The following GRID1 variants were observed in gnomAD, a reference collection of about 807,000 sequenced individuals.
The protein encoded by GRID1 is glutamate ionotropic receptor delta type subunit 1, also known as glutamate receptor ionotropic, delta-1.
Under a neutral mutation model 98.0 loss-of-function variants are expected in GRID1, and 28 were observed. The observed-to-expected ratio is 0.29, with a 90% confidence interval of 0.21 to 0.39. The LOEUF is 0.39. Ranked by LOEUF, GRID1 falls within the 10% of genes least tolerant of loss-of-function variation. The pLI is 1.00. For synonymous variants in GRID1, 553 were observed against 538.5 expected (o/e 1.03, Z -0.37); for missense variants, 1,111 against 1,340.5 (o/e 0.83, Z 2.67).
At chr10:86,207,920 G>A (rs1018875197) in intron 2 of GRID1, among the ~76,000 whole-genome samples, 6 of 152,154 alleles carry the variant, frequency 3.9e-5, no homozygotes, top group African/African-American at 1.2e-4. Flanking sequence ...GTGAGCCACC[G>A]CGCCCGGCCG....
chr10:85,665,793 A>C (rs1353041552), intron 12 of GRID1, among the ~76,000 whole-genome samples: 1 of 152,194 alleles, frequency 6.6e-6, no homozygotes, highest in Non-Finnish European at 1.5e-5. Flanking sequence ...CACCCAGCAC[A>C]CGGGAGTGTA....
At chr10:86,227,269 C>A (rs1375384191) in intron 2 of GRID1, among the ~76,000 whole-genome samples, 2 of 152,182 alleles carry the variant, frequency 1.3e-5, no homozygotes, top group African/African-American at 4.8e-5. Context: ...TCAAAGGGGC[C>A]CTTCTGGGGT....
At chr10:85,662,359 G>T (rs1432664708) in intron 12 of GRID1, among the ~76,000 whole-genome samples, 2 of 152,170 alleles carry the variant, frequency 1.3e-5, no homozygotes, top group East Asian at 3.9e-4. Context: ...AGGACCAGAG[G>T]GTGCTTGGCT....
intron 8 of GRID1, among the ~76,000 whole-genome samples, chr10:85,853,419 A>G (rs1253228965): frequency 6.6e-6 from 1 of 152,218 alleles, no homozygotes; most frequent in Non-Finnish European, 1.5e-5. Context: ...TAGTAGAGAC[A>G]TCTTCCTTCG....
chr10:85,820,597 G>C (rs138143557), intron 8 of GRID1, among the ~76,000 whole-genome samples: 39 of 152,118 alleles, frequency 2.6e-4, no homozygotes, highest in Non-Finnish European at 4.6e-4. Flanking sequence ...TAATTATTGT[G>C]TGAGATGTTA....
At position 85,645,151 on chromosome 10, in the gene GRID1, TCTTTTTTTTTTCTAAGCAGTG is replaced by T. The variant is rs1175872614; in HGVS notation, c.2193+2030_2193+2050del. On this transcript the variant is annotated intron_variant, in intron 13 of 15. Coordinates refer to ENST00000327946, the MANE Select transcript of GRID1 (RefSeq NM_017551.3). ...ACTTTAACAAAGTCAAAAGTAGCTATCTTTTTTTTTTCTAAGCAGTGCTTTTTTTTTTAGCATTATGCAATG... is the reference window on the plus strand; with the variant it reads ...ACTTTAACAAAGTCAAAAGTAGCTATCTTTTTTTTTTAGCATTATGCAATG... 5.9e-5 allele frequency among the ~76,000 whole-genome samples: 9 copies of T among 152,262 alleles called. No individual in the cohort carries two copies. The East Asian group carries it at 9.6e-4, about 16-fold the overall frequency.
At chr10:85,950,242 G>A (rs577968288) in intron 4 of GRID1, among the ~76,000 whole-genome samples, 2 of 152,316 alleles carry the variant, frequency 1.3e-5, no homozygotes, top group African/African-American at 4.8e-5. Context: ...AGTGCACCTG[G>A]AGTGACAATT....
chr10:86,069,657 A>G (rs1215451914), intron 4 of GRID1, among the ~76,000 whole-genome samples: 1 of 152,144 alleles, frequency 6.6e-6, no homozygotes, highest in Non-Finnish European at 1.5e-5. Flanking sequence ...CTAAATAAAT[A>G]AATAAATAAA....
At chr10:86,360,527 G>A (rs370284140) in intron 2 of GRID1, among the ~76,000 whole-genome samples, 3 of 152,270 alleles carry the variant, frequency 2.0e-5, no homozygotes, top group South Asian at 2.1e-4. Flanking sequence ...AAAAGTAAGA[G>A]CTAAAAATGA....
At chr10:86,013,039 A>G (rs1842938981) in intron 4 of GRID1, among the ~76,000 whole-genome samples, 1 of 152,196 alleles carries the variant, frequency 6.6e-6, no homozygotes, top group African/African-American at 2.4e-5. Context: ...GGATCTACCC[A>G]TGGGTCAGAG....
At chr10:85,641,282 T>C (rs952922608) in intron 13 of GRID1, among the ~76,000 whole-genome samples, 2 of 152,272 alleles carry the variant, frequency 1.3e-5, no homozygotes, top group East Asian at 1.9e-4. Context: ...TTTGAACCAT[T>C]TGCCAGGCCA....
chr10:86,159,718 G>A (rs1215451988), intron 3 of GRID1, among the ~76,000 whole-genome samples: 7 of 152,200 alleles, frequency 4.6e-5, no homozygotes. Flanking sequence ...AGGGGGCACA[G>A]GGCTAAGTCA....
Position 86,096,125 on chromosome 10 carries a change from C to T in GRID1, c.726+42694G>A, listed in dbSNP as rs144509204. On this transcript the variant is annotated intron_variant, in intron 4 of 15. Transcript: ENST00000327946. Reference sequence around the variant, plus strand: ...GAAAACCAAATGTCATATGTTCTCACTGATATGTGGGAGCTAAGCTATGAG... The same window carrying T: ...GAAAACCAAATGTCATATGTTCTCATTGATATGTGGGAGCTAAGCTATGAG... 3.2e-4 allele frequency among the ~76,000 whole-genome samples: 49 copies of T among 152,232 alleles called. No homozygotes were observed. The East Asian group carries it at 5.6e-3, about 17-fold the overall frequency.
intron 13 of GRID1, among the ~76,000 whole-genome samples, chr10:85,634,493 T>C (rs527626087): frequency 6.6e-6 from 1 of 152,276 alleles, no homozygotes; most frequent in Non-Finnish European, 1.5e-5. Flanking sequence ...ATAATAACAG[T>C]AGTAATAACA....
intron 14 of GRID1, among the ~76,000 whole-genome samples, chr10:85,617,288 A>C (rs1842803257): frequency 7.0e-6 from 1 of 142,666 alleles, no homozygotes. Context: ...GCTAGAGTGC[A>C]GTGACATGAT....
chr10:86,330,067 T>A (rs185922597), intron 2 of GRID1, among the ~76,000 whole-genome samples: 218 of 151,868 alleles, frequency 1.4e-3, no homozygotes, highest in African/African-American at 4.9e-3. Flanking sequence ...CCCTCCCCCA[T>A]CCCAGTAGCG....
intron 8 of GRID1, among the ~76,000 whole-genome samples, chr10:85,769,514 G>C (rs1416566367): frequency 6.6e-6 from 1 of 152,204 alleles, no homozygotes; most frequent in Non-Finnish European, 1.5e-5. Context: ...AGCCGAAGCA[G>C]GGCGAGGCAT....
At chr10:85,966,435 T>C (rs1365679560) in intron 4 of GRID1, among the ~76,000 whole-genome samples, 1 of 152,114 alleles carries the variant, frequency 6.6e-6, no homozygotes, top group Non-Finnish European at 1.5e-5. Flanking sequence ...GAGTTGTAAG[T>C]ACCTACATGA....
chr10:85,670,168 C>T (rs995793327), intron 12 of GRID1, among the ~76,000 whole-genome samples: 2 of 152,290 alleles, frequency 1.3e-5, no homozygotes, highest in East Asian at 3.9e-4. Flanking sequence ...CATAATAACA[C>T]AGGAAAGACT....
Sources: allele counts gnomAD v4.1 joint callset (sites outside exome capture counted in the v4.1 genomes callset), GRCh38; gene constraint gnomAD v4.1.1; transcripts MANE v1.5; gene names NCBI Gene and HGNC (gene_info 2026-07-23, HGNC 2026-07-21).